The following SEMA6D variants were observed in gnomAD, a reference collection of about 807,000 sequenced individuals.
SEMA6D encodes the protein semaphorin-6D.
SEMA6D carries 35 observed loss-of-function variants against 106.6 expected under a neutral mutation model. That is an observed-to-expected ratio of 0.33 (90% CI 0.25 to 0.44). The LOEUF (loss-of-function observed/expected upper bound fraction) is 0.44. Among genes scored for constraint, SEMA6D ranks in the 20% least tolerant of loss-of-function variants. SEMA6D has a pLI of 1.00. For synonymous variants in SEMA6D, 499 were observed against 487.7 expected (o/e 1.02, Z -0.31); for missense variants, 1,185 against 1,345.9 (o/e 0.88, Z 1.87).
At chr15:47,635,150 C>T (rs2077364689) in intron 4 of SEMA6D, among the ~76,000 whole-genome samples, 1 of 152,158 alleles carries the variant, frequency 6.6e-6, no homozygotes, top group African/African-American at 2.4e-5. Context: ...TCTCCTTCCA[C>T]ATGTCAGGGA....
rs193289952 is a variant in SEMA6D at position 47,223,010 on chromosome 15, A to C, written c.-239+38592A>C. 2.4e-3 allele frequency among the ~76,000 whole-genome samples: 368 copies of C among 152,220 alleles called. 8 individuals are homozygous for C. Among genetic ancestry groups the C allele is most frequent in the Admixed American group, 0.022 (330 of 15,290 alleles). On this transcript the variant is annotated intron_variant, in intron 1 of 19. Coordinates refer to the SEMA6D transcript ENST00000558014. ...TCATATTTTATTCATCATTAGACCC[A>C]CTAAGGACCATGGGCATAGTGTTGG...
rs1003005187 is a variant in SEMA6D, at chr15:47,731,150, A to G, written c.-55+13458A>G. On this transcript the variant is annotated intron_variant, in intron 1 of 18. Coordinates refer to ENST00000536845, the MANE Select transcript of SEMA6D (RefSeq NM_001358351.3). ...TTGCCCTTTTCTTTTGGGATCACGTAAACTTCATTGCTGCTAATATAGTTT... is the reference window on the plus strand; with the variant it reads ...TTGCCCTTTTCTTTTGGGATCACGTGAACTTCATTGCTGCTAATATAGTTT... Among the ~76,000 whole-genome samples the G allele has an allele frequency of 4.6e-5, 7 of 152,162 alleles. No homozygotes were observed. In the South Asian group the frequency reaches 1.5e-3, roughly 32 times the overall value.
At chr15:47,321,625 G>T (rs930603887) in intron 1 of SEMA6D, among the ~76,000 whole-genome samples, 32 of 152,126 alleles carry the variant, frequency 2.1e-4, no homozygotes, top group African/African-American at 7.5e-4. Context: ...TTGAAGAAGT[G>T]TTAGTTCTTT....
At chr15:47,765,843 G>C in intron 13 of SEMA6D, 26 bp from the exon 14 acceptor site, 1 of 1,479,396 alleles carries the variant, frequency 6.8e-7, no homozygotes, top group African/African-American at 1.4e-5. Context: ...TAAACATATG[G>C]CTTCAAAATG....
intron 3 of SEMA6D, among the ~76,000 whole-genome samples, chr15:47,482,417 G>C (rs901278375): frequency 2.6e-5 from 4 of 152,000 alleles, no homozygotes; most frequent in Non-Finnish European, 5.9e-5. Flanking sequence ...AATGCTTTTG[G>C]AGTGGCACCG....
intron 4 of SEMA6D, among the ~76,000 whole-genome samples, chr15:47,675,674 C>T (rs887400296): frequency 1.3e-5 from 2 of 152,142 alleles, no homozygotes; most frequent in Admixed American, 1.3e-4. Context: ...GAATAAATGA[C>T]AGCTTGCAGA....
At chr15:47,391,387 A>G (rs1412438901) in intron 1 of SEMA6D, among the ~76,000 whole-genome samples, 4 of 106,906 alleles carry the variant, frequency 3.7e-5, no homozygotes, top group Admixed American at 8.6e-5. Context: ...CCTGATAGTA[A>G]TGAGTCTTCC....
At position 47,348,725 on chromosome 15, in the gene SEMA6D, C is replaced by CAGAGAGAGAG. The variant is rs1398441234; in HGVS notation, c.-238-63667_-238-63666insGAGAGAGAGA. On this transcript the variant is annotated intron_variant, in intron 1 of 19. Coordinates refer to the SEMA6D transcript ENST00000558014. ...CACACACACACACACACACCACACACACAGAGAGAGAGAGAGAGAGAGAGA... is the reference window on the plus strand; with the variant it reads ...CACACACACACACACACACCACACACAGAGAGAGAGACAGAGAGAGAGAGAGAGAGAGAGA... Among the ~76,000 whole-genome samples, 154 of 47,736 alleles carry CAGAGAGAGAG rather than the reference C, an allele frequency of 3.2e-3. 1 individual carries two copies. Among genetic ancestry groups the CAGAGAGAGAG allele is most frequent in the African/African-American group, 6.8e-3 (145 of 21,428 alleles). 31.3% of individuals were successfully genotyped at this position (47,736 alleles called of 152,430 possible). A position where few individuals can be genotyped will look rare whatever the true frequency, so the allele number is the denominator to read the frequency against.
intron 1 of SEMA6D, among the ~76,000 whole-genome samples, chr15:47,221,878 G>A (rs1433432501): frequency 6.6e-6 from 1 of 152,138 alleles, no homozygotes; most frequent in Non-Finnish European, 1.5e-5. Flanking sequence ...TTTGTTAACT[G>A]AGTTTCAATT....
intron 1 of SEMA6D, among the ~76,000 whole-genome samples, chr15:47,218,461 G>A (rs2030874710): frequency 6.6e-6 from 1 of 152,164 alleles, no homozygotes; most frequent in African/African-American, 2.4e-5. Context: ...TTTCCAGAAA[G>A]TGACTCACAC....
At chr15:47,461,390 T>C (rs74517826) in intron 2 of SEMA6D, among the ~76,000 whole-genome samples, 22,174 of 151,926 alleles carry the variant, frequency 0.15, 1,944 homozygotes, top group South Asian at 0.26. Flanking sequence ...GACCTTGTGC[T>C]TTCTCCCCCA....
chr15:47,750,498 G>GT (rs911611767), intron 1 of SEMA6D, among the ~76,000 whole-genome samples: 11 of 152,148 alleles, frequency 7.2e-5, no homozygotes, highest in African/African-American at 2.7e-4. Context: ...GCCAGTGTCG[G>GT]TGGGAGAAGA....
intron 1 of SEMA6D, among the ~76,000 whole-genome samples, chr15:47,194,492 A>AG (rs1167006680): frequency 1.3e-5 from 2 of 152,064 alleles, no homozygotes; most frequent in African/African-American, 4.8e-5. Flanking sequence ...GGAAGTATTA[A>AG]GGTGTTGGTA....
chr15:47,210,495 C>A (rs987626790), intron 1 of SEMA6D, among the ~76,000 whole-genome samples: 2 of 151,866 alleles, frequency 1.3e-5, no homozygotes, highest in African/African-American at 4.8e-5. Flanking sequence ...CCAAGCCGGG[C>A]CGGGCGCAGT....
intron 16 of SEMA6D, 26 bp downstream of exon 16, chr15:47,766,703 C>G (rs770808120): frequency 1.3e-6 from 2 of 1,485,970 alleles, no homozygotes; most frequent in South Asian, 1.1e-5. Flanking sequence ...CCATTCCCAC[C>G]TGGAGCTTCT....
At chr15:47,348,497 C>T (rs886471644) in intron 1 of SEMA6D, among the ~76,000 whole-genome samples, 4 of 151,972 alleles carry the variant, frequency 2.6e-5, no homozygotes, top group Non-Finnish European at 4.4e-5. Flanking sequence ...ATCCAGAATA[C>T]TCCAAAGTCC....
At chr15:47,586,424 G>T (rs1865648) in intron 3 of SEMA6D, among the ~76,000 whole-genome samples, 39,221 of 151,996 alleles carry the variant, frequency 0.26, 5,748 homozygotes, top group East Asian at 0.46. Flanking sequence ...GGGCAGTCTT[G>T]GTTGGGCAAG....
At chr15:47,424,237 A>T (rs1358110278) in intron 2 of SEMA6D, among the ~76,000 whole-genome samples, 1 of 152,032 alleles carries the variant, frequency 6.6e-6, no homozygotes, top group African/African-American at 2.4e-5. Flanking sequence ...ATTTGCCAAT[A>T]CCTCTAATTC....
At chr15:47,471,062 T>A (rs950242402) in intron 3 of SEMA6D, among the ~76,000 whole-genome samples, 4 of 152,126 alleles carry the variant, frequency 2.6e-5, no homozygotes, top group African/African-American at 9.7e-5. Flanking sequence ...TATGATCAAG[T>A]GATGGGAGAA....
Sources: gnomAD v4.1 joint callset for allele counts (sites outside exome capture counted in the v4.1 genomes callset) on GRCh38, gnomAD v4.1.1 for gene constraint, MANE v1.5 for transcripts, NCBI Gene and HGNC (gene_info 2026-07-23, HGNC 2026-07-21) for gene names.